Variants in C1orf87 observed in about 807,000 individuals in gnomAD.
C1orf87 encodes uncharacterized protein C1orf87.
A neutral mutation model predicts 60.5 loss-of-function variants in C1orf87; 58 were observed. The ratio of observed to expected loss-of-function variants is 0.96; its 90% CI spans 0.78 to 1.19. The LOEUF is 1.19. Among genes scored for constraint, C1orf87 ranks in the 50% most tolerant of loss-of-function variants. The pLI, the probability that C1orf87 is intolerant of heterozygous loss-of-function variation, is 0.00. For synonymous variants in C1orf87, 236 were observed against 227.4 expected (o/e 1.04, Z -0.34); for missense variants, 673 against 638.6 (o/e 1.05, Z -0.58).
chr1:60,022,750 T>G (rs1645172747), intron 8 of C1orf87, among the ~76,000 whole-genome samples: 1 of 152,162 alleles, frequency 6.6e-6, no homozygotes, highest in Non-Finnish European at 1.5e-5. Flanking sequence ...GCATGACTAC[T>G]TTTTTGCTTT....
chr1:60,055,824 C>G (rs1645451415), intron 2 of C1orf87, among the ~76,000 whole-genome samples: 1 of 152,054 alleles, frequency 6.6e-6, no homozygotes, highest in East Asian at 1.9e-4. Context: ...TCCAGTTCTG[C>G]TCTATGCCTC....
At chr1:59,991,154 G>C (rs751146849) in intron 11 of C1orf87, among the ~76,000 whole-genome samples, 54 of 152,076 alleles carry the variant, frequency 3.6e-4, no homozygotes, top group Admixed American at 1.2e-3. Flanking sequence ...TGAAACACTG[G>C]GGGTGCCTAG....
At chr1:60,042,397 C>T (rs185662743) in intron 3 of C1orf87, among the ~76,000 whole-genome samples, 11 of 152,108 alleles carry the variant, frequency 7.2e-5, no homozygotes, top group South Asian at 4.2e-4. Context: ...AATAGAAGGG[C>T]GACATGATCA....
intron 2 of C1orf87, among the ~76,000 whole-genome samples, chr1:60,067,494 G>A (rs764794850): frequency 4.3e-5 from 6 of 140,836 alleles, no homozygotes; most frequent in Non-Finnish European, 7.7e-5. Flanking sequence ...TCATATGTTT[G>A]TTGGCCACAT....
Position 59,990,582 on chromosome 1 carries a change from C to T in C1orf87, c.*91G>A, listed in dbSNP as rs1466530480. On this transcript the variant is annotated 3_prime_UTR_variant, in exon 12 of 12. Transcript: ENST00000371201. ...GCATCGGCCTCCACTCTGACAATGCCTCCGCCACTACACTTAGGCTGGGGA... is the reference window on the plus strand; with the variant it reads ...GCATCGGCCTCCACTCTGACAATGCTTCCGCCACTACACTTAGGCTGGGGA... 6.8e-7 allele frequency: 1 copy of T among 1,478,344 alleles called. No homozygotes were observed. The highest frequency in any genetic ancestry group is 1.4e-5 in the African/African-American group (1 of 71,544). 91.6% of individuals were successfully genotyped at this position (1,478,344 alleles called of 1,614,324 possible). A position where few individuals can be genotyped will look rare whatever the true frequency, so the allele number is the denominator to read the frequency against.
intron 3 of C1orf87, among the ~76,000 whole-genome samples, chr1:60,042,822 C>T (rs1306663487): frequency 2.6e-5 from 4 of 152,192 alleles, no homozygotes; most frequent in Non-Finnish European, 4.4e-5. Flanking sequence ...CAGACTCAGC[C>T]CCTGCTCTCA....
At chr1:60,069,770 G>T (rs533726195) in intron 2 of C1orf87, among the ~76,000 whole-genome samples, 90 of 152,196 alleles carry the variant, frequency 5.9e-4, no homozygotes, top group African/African-American at 2.1e-3. Flanking sequence ...TTGAACTGTG[G>T]CCCTGCCAAG....
intron 2 of C1orf87, among the ~76,000 whole-genome samples, chr1:60,066,197 A>G (rs1645544920): frequency 6.6e-6 from 1 of 152,142 alleles, no homozygotes; most frequent in Non-Finnish European, 1.5e-5. Context: ...TAAGACAGCA[A>G]TAAAGTTTGC....
At chr1:60,066,738 A>G (rs1337241095) in intron 2 of C1orf87, among the ~76,000 whole-genome samples, 3 of 151,766 alleles carry the variant, frequency 2.0e-5, no homozygotes, top group African/African-American at 7.3e-5. Context: ...CAGGTTTGTT[A>G]TATAGGTATA....
At chr1:60,030,750 T>C (rs1259884562) in intron 7 of C1orf87, among the ~76,000 whole-genome samples, 2 of 152,210 alleles carry the variant, frequency 1.3e-5, no homozygotes, top group African/African-American at 4.8e-5. Context: ...AGTTAATAAA[T>C]CAATGAATGT....
At chr1:60,049,652 T>G (rs1392430303) in intron 3 of C1orf87, among the ~76,000 whole-genome samples, 1 of 152,082 alleles carries the variant, frequency 6.6e-6, no homozygotes, top group East Asian at 1.9e-4. Context: ...GAGTCACAGT[T>G]AAGAAAGTTT....
At chr1:59,991,521 T>C (rs1351517085) in intron 11 of C1orf87, among the ~76,000 whole-genome samples, 1 of 152,242 alleles carries the variant, frequency 6.6e-6, no homozygotes, top group African/African-American at 2.4e-5. Flanking sequence ...TTTTTTTTGT[T>C]GTCGTGTCAT....
intron 11 of C1orf87, among the ~76,000 whole-genome samples, chr1:59,994,087 TG>T (rs1164446418): frequency 6.6e-6 from 1 of 152,192 alleles, no homozygotes; most frequent in Non-Finnish European, 1.5e-5. Context: ...TCAACTTCAT[TG>T]TACAGTATAT....
intron 2 of C1orf87, among the ~76,000 whole-genome samples, chr1:60,068,851 G>A (rs1275116271): frequency 6.6e-6 from 1 of 152,050 alleles, no homozygotes; most frequent in African/African-American, 2.4e-5. Flanking sequence ...GAGAATATTT[G>A]TCTCCTGTCA....
intron 2 of C1orf87, among the ~76,000 whole-genome samples, chr1:60,069,127 A>G (rs747847511): frequency 8.5e-5 from 13 of 152,166 alleles, no homozygotes; most frequent in Admixed American, 3.3e-4. Flanking sequence ...AGCATGTACT[A>G]TTCCTTACGG....
At chr1:59,997,165 G>A (rs1001624306) in intron 11 of C1orf87, among the ~76,000 whole-genome samples, 4 of 152,154 alleles carry the variant, frequency 2.6e-5, no homozygotes, top group African/African-American at 7.2e-5. Flanking sequence ...AGGCGTGTGC[G>A]AGACAAGGCC....
intron 7 of C1orf87, among the ~76,000 whole-genome samples, chr1:60,026,028 A>C: frequency 6.6e-6 from 1 of 152,182 alleles, no homozygotes; most frequent in East Asian, 1.9e-4. Flanking sequence ...TCAGATAAAT[A>C]GTTATTGAAT....
chr1:60,033,431 A>G lies in C1orf87; in HGVS notation c.1029+45T>C, dbSNP rs189534315. 4.9e-5 allele frequency: 77 copies of G among 1,570,716 alleles called. No homozygotes were observed. In the Middle Eastern group the frequency reaches 1.0e-3, roughly 21 times the overall value. On this transcript the variant is annotated intron_variant, in intron 7 of 11. Coordinates refer to ENST00000371201, the MANE Select transcript of C1orf87 (RefSeq NM_152377.3). ...TATTGCTATAGACCCAATGCCCTGA[A>G]GTGGCCTTTACAGAGGAACAAATCT... is the stretch of plus-strand genomic sequence containing the variant.
chr1:60,054,782 G>A (rs369056129), intron 3 of C1orf87, among the ~76,000 whole-genome samples: 2 of 152,098 alleles, frequency 1.3e-5, no homozygotes, highest in African/African-American at 2.4e-5. Flanking sequence ...AGAGTTTGGG[G>A]CCTATAATTT....
Sources: allele counts gnomAD v4.1 joint callset (sites outside exome capture counted in the v4.1 genomes callset), GRCh38; gene constraint gnomAD v4.1.1; transcripts MANE v1.5; gene names NCBI Gene and HGNC (gene_info 2026-07-23, HGNC 2026-07-21).